MGLL: variants seen among roughly 807,000 people sequenced by gnomAD.
MGLL encodes the protein lysophospholipase homolog.
Under a neutral mutation model 29.1 loss-of-function variants are expected in MGLL, and 7 were observed. The ratio of observed to expected loss-of-function variants is 0.24; its 90% confidence interval spans 0.14 to 0.45. The LOEUF (loss-of-function observed/expected upper bound fraction) is 0.45, where lower values mean the gene tolerates loss of function less well. Among genes scored for constraint, MGLL ranks in the 20% least tolerant of loss-of-function variants. The pLI is 0.99. For missense variants in MGLL, 356 were observed against 413.6 expected (o/e 0.86, Z 1.21); for synonymous variants, 148 against 168.3 (o/e 0.88, Z 0.93).
At chr3:127,821,622 T>C in intron 2 of MGLL, 72 bp downstream of exon 2, 3 of 1,574,576 alleles carry the variant, frequency 1.9e-6, no homozygotes, top group Non-Finnish European at 2.6e-6. Context: ...AGATGGCACA[T>C]GATAACGACC....
At chr3:127,816,353 G>A (rs2077755583) in intron 2 of MGLL, among the ~76,000 whole-genome samples, 1 of 152,178 alleles carries the variant, frequency 6.6e-6, no homozygotes, top group African/African-American at 2.4e-5. Flanking sequence ...ACAGCCGGCT[G>A]ACAACCTGAT....
chr3:127,808,808 C>G (rs1046845284), intron 2 of MGLL, among the ~76,000 whole-genome samples: 1 of 152,204 alleles, frequency 6.6e-6, no homozygotes, highest in Non-Finnish European at 1.5e-5. Flanking sequence ...TTTCCTCCTT[C>G]TCATTCATGC....
rs201415693 is a variant in MGLL at position 127,818,993 on chromosome 3, G to T, written c.155+2701C>A. Among the ~76,000 whole-genome samples the T allele has an allele frequency of 1.9e-4, 29 of 152,280 alleles. No individual in the cohort carries two copies. In the East Asian group the frequency reaches 4.6e-3, roughly 24 times the overall value. On this transcript the variant is annotated intron_variant, in intron 2 of 7. Transcript: ENST00000265052. ...TTTGCCTTGGTACTGCCAAATGGAG[G>T]TTTAAGTTCTGATTCCTGATGATGA...
intron 6 of MGLL, among the ~76,000 whole-genome samples, chr3:127,706,145 C>A (rs1338783544): frequency 6.6e-6 from 1 of 152,182 alleles, no homozygotes; most frequent in Non-Finnish European, 1.5e-5. Flanking sequence ...TGCACCGCCA[C>A]GGGCACAGCA....
chr3:127,759,240 C>T (rs533999769), intron 3 of MGLL, among the ~76,000 whole-genome samples: 10 of 152,134 alleles, frequency 6.6e-5, no homozygotes, highest in Non-Finnish European at 1.3e-4. Flanking sequence ...AGCTATTTCT[C>T]ACAGCGTCCA....
At chr3:127,718,196 TC>T (rs2075852776) in intron 5 of MGLL, among the ~76,000 whole-genome samples, 1 of 152,178 alleles carries the variant, frequency 6.6e-6, no homozygotes, top group Admixed American at 6.5e-5. Context: ...CAGACTGTAC[TC>T]ACAGACTGGG....
chr3:127,705,460 T>G (rs982756781), intron 6 of MGLL, among the ~76,000 whole-genome samples: 4 of 149,384 alleles, frequency 2.7e-5, no homozygotes, highest in African/African-American at 9.9e-5. Flanking sequence ...GGGCAAAGGA[T>G]CTGAACAAAC....
At chr3:127,746,009 G>A (rs1239024912) in intron 3 of MGLL, among the ~76,000 whole-genome samples, 3 of 152,242 alleles carry the variant, frequency 2.0e-5, no homozygotes, top group African/African-American at 7.2e-5. Flanking sequence ...AAAGAACAGA[G>A]TTTGAATAGA....
intron 3 of MGLL, among the ~76,000 whole-genome samples, chr3:127,770,814 G>A (rs1346886418): frequency 6.6e-6 from 1 of 152,156 alleles, no homozygotes; most frequent in Non-Finnish European, 1.5e-5. Context: ...ACAAGGCTGG[G>A]TGTCCAGGGT....
chr3:127,808,618 T>G (rs942301544), intron 2 of MGLL, among the ~76,000 whole-genome samples: 2 of 152,206 alleles, frequency 1.3e-5, no homozygotes, highest in Non-Finnish European at 2.9e-5. Context: ...AGAGGAGAGA[T>G]GCCTCTTAAA....
Position 127,691,234 on chromosome 3 carries a change from C to T in MGLL, c.*964G>A, listed in dbSNP as rs921167814. The T allele has an allele frequency of 2.0e-5, 3 of 152,726 alleles. No individual in the cohort carries two copies. The highest frequency in any genetic ancestry group is 7.2e-5 in the African/African-American group (3 of 41,446). The allele number at this position is 152,726 out of a possible 1,614,324, so 9.5% of individuals were successfully genotyped here. ...CAAGTCCCCTCTCGGGGGCTGCTGG[C>T]TTAGCTCCTAGAGCACAGAGCCCTC... is the stretch of plus-strand genomic sequence containing the variant. On this transcript the variant is annotated 3_prime_UTR_variant, in exon 8 of 8. Coordinates refer to ENST00000265052, the MANE Select transcript of MGLL (RefSeq NM_007283.7).
chr3:127,816,591 G>C (rs967049667), intron 2 of MGLL, among the ~76,000 whole-genome samples: 1 of 152,208 alleles, frequency 6.6e-6, no homozygotes, highest in Non-Finnish European at 1.5e-5. Context: ...AAGAAGGGGG[G>C]ATGTTCTCTA....
At chr3:127,786,276 C>T (rs759437002) in intron 2 of MGLL, among the ~76,000 whole-genome samples, 1 of 152,240 alleles carries the variant, frequency 6.6e-6, no homozygotes, top group Admixed American at 6.5e-5. Context: ...GAGCAGGTGC[C>T]AAGGAAAGTG....
intron 2 of MGLL, among the ~76,000 whole-genome samples, chr3:127,788,520 T>C (rs1160218901): frequency 6.6e-6 from 1 of 152,164 alleles, no homozygotes; most frequent in Non-Finnish European, 1.5e-5. Context: ...CCCCTCACCC[T>C]GACCAGCTTA....
intron 6 of MGLL, among the ~76,000 whole-genome samples, chr3:127,708,469 T>C (rs2075646582): frequency 6.6e-6 from 1 of 152,188 alleles, no homozygotes; most frequent in Non-Finnish European, 1.5e-5. Context: ...GGTGCTTCCA[T>C]CCTGAGTAAG....
chr3:127,697,426 C>T (rs533517324), intron 6 of MGLL, among the ~76,000 whole-genome samples: 1 of 152,278 alleles, frequency 6.6e-6, no homozygotes, highest in Admixed American at 6.5e-5. Flanking sequence ...CTCCATAACT[C>T]CCCTGTATGA....
At chr3:127,692,831 C>T (rs1004941987) in intron 7 of MGLL, among the ~76,000 whole-genome samples, 1 of 152,212 alleles carries the variant, frequency 6.6e-6, no homozygotes, top group Non-Finnish European at 1.5e-5. Flanking sequence ...TCTTGTGGTT[C>T]CATGGCTTTA....
chr3:127,707,374 C>A (rs1228387622), intron 6 of MGLL, among the ~76,000 whole-genome samples: 1 of 152,222 alleles, frequency 6.6e-6, no homozygotes, highest in South Asian at 2.1e-4. Context: ...GCGTCCTTGG[C>A]CATAGAACTC....
At chr3:127,810,248 T>A (rs911791155) in intron 2 of MGLL, among the ~76,000 whole-genome samples, 5 of 151,754 alleles carry the variant, frequency 3.3e-5, no homozygotes, top group Non-Finnish European at 4.4e-5. Context: ...GCTCCAAAAC[T>A]GCAAGAAAAT....
Sources: allele counts gnomAD v4.1 joint callset (sites outside exome capture counted in the v4.1 genomes callset), GRCh38; gene constraint gnomAD v4.1.1; transcripts MANE v1.5; gene names NCBI Gene and HGNC (gene_info 2026-07-23, HGNC 2026-07-21).